The following SEC11A variants were observed in gnomAD, a reference collection of about 807,000 sequenced individuals.
SEC11A encodes the protein signal peptidase complex catalytic subunit SEC11A.
In SEC11A, 14 loss-of-function variants were observed where a neutral mutation model predicts 25.6. The observed-to-expected ratio is 0.55, with a 90% CI of 0.36 to 0.85. The LOEUF is 0.85. SEC11A is among the 40% of genes least tolerant of loss of function. The probability of loss-of-function intolerance (pLI) is 0.01; values close to 1 mark genes in which losing one functional copy is unlikely to be tolerated. For missense variants in SEC11A, 153 were observed against 222.9 expected, an observed-to-expected ratio of 0.69 and a Z score of 2.00; for synonymous variants, 83 against 76.4, an observed-to-expected ratio of 1.09 and a Z score of -0.45.
intron 3 of SEC11A, among the ~76,000 whole-genome samples, chr15:84,681,167 A>T (rs1157139397): frequency 6.6e-6 from 1 of 152,250 alleles, no homozygotes; most frequent in Non-Finnish European, 1.5e-5. Context: ...ATATTAAAAT[A>T]AATACACACT....
At chr15:84,703,852 T>C (rs116703705) in intron 1 of SEC11A, among the ~76,000 whole-genome samples, 422 of 152,306 alleles carry the variant, frequency 2.8e-3, no homozygotes, top group Middle Eastern at 0.024. Context: ...TAAGTGCTCA[T>C]CACAGAATTA....
At chr15:84,681,196 C>T (rs1233971073) in intron 3 of SEC11A, among the ~76,000 whole-genome samples, 1 of 152,118 alleles carries the variant, frequency 6.6e-6, no homozygotes, top group Non-Finnish European at 1.5e-5. Flanking sequence ...TCTGGAAACA[C>T]AAAGAACAAA....
chr15:84,670,891 A>G (rs956224987), intron 4 of SEC11A, 109 bp from the exon 5 acceptor site: 3 of 539,830 alleles, frequency 5.6e-6, no homozygotes, highest in Admixed American at 7.8e-5. Context: ...TTCAATTCAC[A>G]AAGTCCATTT....
chr15:84,675,176 A>G (rs1474404954), intron 4 of SEC11A, among the ~76,000 whole-genome samples: 1 of 152,238 alleles, frequency 6.6e-6, no homozygotes, highest in Non-Finnish European at 1.5e-5. Context: ...GGTTTAAAGT[A>G]AGTAAAATGA....
At position 84,669,925 on chromosome 15, in the gene SEC11A, T is replaced by C; in HGVS notation, c.*94A>G. ...TGCTACCCAGAAGCACCAACACGTGTGTTCTCCATTCCACCAATCACAGAC... is the reference window on the plus strand; with the variant it reads ...TGCTACCCAGAAGCACCAACACGTGCGTTCTCCATTCCACCAATCACAGAC... On this transcript the variant is annotated 3_prime_UTR_variant, in exon 6 of 6. Transcript: ENST00000268220. 1.3e-6 allele frequency: 2 copies of C among 1,597,242 alleles called. No homozygotes were observed. Among genetic ancestry groups the C allele is most frequent in the Non-Finnish European group, 1.7e-6 (2 of 1,172,066 alleles).
intron 1 of SEC11A, among the ~76,000 whole-genome samples, chr15:84,706,837 T>G (rs1396974139): frequency 6.6e-6 from 1 of 152,210 alleles, no homozygotes; most frequent in Non-Finnish European, 1.5e-5. Context: ...AAAAGAAATC[T>G]GCCCAAGATT....
In SEC11A at chr15:84,687,793, T is replaced by C. The variant is rs889535253; in HGVS notation, c.162-19A>G. 4 of 1,574,176 alleles carry C rather than the reference T, an allele frequency of 2.5e-6. No homozygotes were observed. Among genetic ancestry groups the C allele is most frequent in the Non-Finnish European group, 1.7e-6 (2 of 1,168,244 alleles). On this transcript the variant is annotated intron_variant, in intron 2 of 5. Transcript: ENST00000268220. ...GCTGCCACTGGAAGGGAAAGAAGAA[T>C]ATAACAGCAAAAAGAAAGTATGAGA...
At chr15:84,696,903 C>G (rs933346988) in intron 1 of SEC11A, among the ~76,000 whole-genome samples, 1 of 151,894 alleles carries the variant, frequency 6.6e-6, no homozygotes. Flanking sequence ...AAAATGCCCA[C>G]CGGGTGCAAT....
At chr15:84,670,677 G>T in intron 5 of SEC11A, 48 bp downstream of exon 5, 1 of 959,162 alleles carries the variant, frequency 1.0e-6, no homozygotes, top group Non-Finnish European at 1.6e-6. Context: ...ACTGTGCCTG[G>T]CCCAAAAGAT....
intron 1 of SEC11A, among the ~76,000 whole-genome samples, chr15:84,700,762 C>T (rs187038609): frequency 6.6e-6 from 1 of 151,000 alleles, no homozygotes; most frequent in East Asian, 2.0e-4. Context: ...AGGCAGATAA[C>T]CTGAGGTTGG....
At chr15:84,686,492 T>G (rs1350364514) in intron 3 of SEC11A, 2 of 152,184 alleles carry the variant, frequency 1.3e-5, no homozygotes, top group Non-Finnish European at 2.9e-5. Context: ...ATGCCTGTAA[T>G]CCCAGCTACT....
At chr15:84,703,415 C>G (rs1041120589) in intron 1 of SEC11A, among the ~76,000 whole-genome samples, 1 of 152,196 alleles carries the variant, frequency 6.6e-6, no homozygotes, top group Non-Finnish European at 1.5e-5. Flanking sequence ...TGGCTCCTAA[C>G]GATGCTACCC....
intron 1 of SEC11A, among the ~76,000 whole-genome samples, chr15:84,698,252 T>A (rs1897824223): frequency 6.6e-6 from 1 of 152,196 alleles, no homozygotes; most frequent in Non-Finnish European, 1.5e-5. Flanking sequence ...CCATTGTGCT[T>A]CCTATTCTTG....
intron 1 of SEC11A, among the ~76,000 whole-genome samples, chr15:84,712,496 G>T (rs1379475715): frequency 1.4e-5 from 2 of 147,842 alleles, no homozygotes; most frequent in Admixed American, 6.8e-5. Flanking sequence ...CGCCCAGGCT[G>T]GAGTGCAGTG....
intron 1 of SEC11A, among the ~76,000 whole-genome samples, chr15:84,697,381 T>C (rs1424968302): frequency 6.6e-6 from 1 of 152,238 alleles, no homozygotes; most frequent in East Asian, 1.9e-4. Flanking sequence ...CATATAATAC[T>C]TTTATTATGG....
At chr15:84,676,428 G>T (rs1897134363) in intron 4 of SEC11A, among the ~76,000 whole-genome samples, 2 of 150,764 alleles carry the variant, frequency 1.3e-5, no homozygotes, top group Admixed American at 1.3e-4. Flanking sequence ...TGTTGCATGG[G>T]CAACAAGAGT....
intron 1 of SEC11A, among the ~76,000 whole-genome samples, chr15:84,704,914 T>C (rs1372333484): frequency 1.0e-5 from 1 of 98,944 alleles, no homozygotes; most frequent in Non-Finnish European, 2.0e-5. Context: ...ATGCTACTTC[T>C]GGAGTCTTTT....
At chr15:84,707,265 G>C (rs1408346346) in intron 1 of SEC11A, among the ~76,000 whole-genome samples, 1 of 141,254 alleles carries the variant, frequency 7.1e-6, no homozygotes, top group Non-Finnish European at 1.5e-5. Context: ...GGCTCACTGT[G>C]ACCTCTGCCT....
chr15:84,675,994 AG>A (rs1897123032), intron 4 of SEC11A, among the ~76,000 whole-genome samples: 1 of 152,174 alleles, frequency 6.6e-6, no homozygotes, highest in African/African-American at 2.4e-5. Context: ...CCGAGGCTAC[AG>A]GAAGTAGAGG....
Sources: allele counts gnomAD v4.1 joint callset (sites outside exome capture counted in the v4.1 genomes callset), GRCh38; gene constraint gnomAD v4.1.1; transcripts MANE v1.5; gene names NCBI Gene and HGNC (gene_info 2026-07-23, HGNC 2026-07-21).